HDAC4: variants seen among roughly 807,000 people sequenced by gnomAD.
The protein encoded by HDAC4 is histone deacetylase 4.
Under a neutral mutation model 135.1 loss-of-function variants are expected in HDAC4, and 16 were observed. The ratio of observed to expected loss-of-function variants is 0.12; its 90% confidence interval spans 0.08 to 0.18. HDAC4 has a LOEUF of 0.18. Among genes scored for constraint, HDAC4 ranks in the 10% least tolerant of loss-of-function variants. The pLI is 1.00. For missense variants in HDAC4, 1,143 were observed against 1,511.8 expected, an observed-to-expected ratio of 0.76 and a Z score of 4.05; for synonymous variants, 685 against 653.4, an observed-to-expected ratio of 1.05 and a Z score of -0.74.
At chr2:239,082,907 G>T (rs936688109) in intron 20 of HDAC4, among the ~76,000 whole-genome samples, 5 of 152,254 alleles carry the variant, frequency 3.3e-5, no homozygotes, top group Non-Finnish European at 7.3e-5. Flanking sequence ...CGGGCGAGGG[G>T]GTGGCCCCGC....
intron 2 of HDAC4, among the ~76,000 whole-genome samples, chr2:239,334,849 C>A (rs1435013013): frequency 2.0e-5 from 3 of 151,804 alleles, no homozygotes; most frequent in South Asian, 2.1e-4. Context: ...GGTGAAACAC[C>A]CCCCTCTACT....
At position 239,076,234 on chromosome 2, in the gene HDAC4, CA is replaced by C. The variant is rs1393278770; in HGVS notation, c.2750+4860del. ...GTGTTGGCCACGCCCCTCGGCTTCC[CA>C]GGGGGAACAGAGCTGGACCGGGACA... On this transcript the variant is annotated intron_variant, in intron 22 of 26. Transcript: ENST00000543185. Among the ~76,000 whole-genome samples the C allele has an allele frequency of 8.6e-5, 13 of 152,018 alleles. 1 individual carries two copies. The highest frequency in any genetic ancestry group is 2.4e-4 in the African/African-American group (10 of 41,378).
intron 3 of HDAC4, 87 bp from the exon 4 acceptor site, chr2:239,190,164 CTTCA>C: frequency 2.8e-6 from 4 of 1,437,984 alleles, no homozygotes; most frequent in African/African-American, 1.7e-5. Flanking sequence ...CACTGGCCAC[CTTCA>C]CGGGGCGGGG....
At position 239,352,186 on chromosome 2, in the gene HDAC4, A is replaced by G. The variant is rs1195594899; in HGVS notation, c.22+492T>C. Among the ~76,000 whole-genome samples the G allele has an allele frequency of 6.6e-6, 1 of 152,184 alleles. No homozygotes were observed. The highest frequency in any genetic ancestry group is 1.5e-5 in the Non-Finnish European group (1 of 68,022). ...ATCTGGGGCTGTACTAAATGCTTGT[A>G]AAATGCTTAGTGCAGCCCCTCACAG... On this transcript the variant is annotated intron_variant, in intron 2 of 26. Coordinates refer to ENST00000543185, the MANE Select transcript of HDAC4 (RefSeq NM_001378414.1). This position sits in a 1 kb window ranked among gnomAD's most constrained non-coding sequence, Gnocchi z 4.4.
chr2:239,370,069 G>A (rs377097160), intron 1 of HDAC4, among the ~76,000 whole-genome samples: 8 of 152,248 alleles, frequency 5.3e-5, no homozygotes, highest in African/African-American at 1.7e-4. Flanking sequence ...AGATGCACGG[G>A]GCCCTGTACA....
At chr2:239,270,715 T>C (rs2050012596) in intron 2 of HDAC4, among the ~76,000 whole-genome samples, 1 of 152,216 alleles carries the variant, frequency 6.6e-6, no homozygotes, top group Admixed American at 6.5e-5. Flanking sequence ...CTGAAATCAT[T>C]AAACCATCTA....
In HDAC4 at chr2:239,356,732, T is replaced by C. The variant is rs533820525; in HGVS notation, c.-219-3814A>G. 7.9e-5 allele frequency among the ~76,000 whole-genome samples: 12 copies of C among 152,338 alleles called. No individual in the cohort carries two copies. The East Asian group carries it at 1.5e-3, about 20-fold the overall frequency. On this transcript the variant is annotated intron_variant, in intron 1 of 26. Transcript: ENST00000543185. ...ACACAGTCCTAAACATTTATGCACC[T>C]GTTGGCAGGGCTTCATACTTGATGC...
chr2:239,331,188 TGATGGCAC>T lies in HDAC4; in HGVS notation c.22+21482_22+21489del, dbSNP rs1691548817. Reference sequence around the variant, plus strand: ...AGCGCGGCCAGCACTGTCGTGACATTGATGGCACGAAACTCAACGTCCTGCACATGATT... The same window carrying T: ...AGCGCGGCCAGCACTGTCGTGACATTGAAACTCAACGTCCTGCACATGATT... On this transcript the variant is annotated intron_variant, in intron 2 of 26. Transcript: ENST00000543185. This position sits in a 1 kb window ranked among gnomAD's most constrained non-coding sequence, Gnocchi z 4.5. Among the ~76,000 whole-genome samples the T allele has an allele frequency of 6.6e-6, 1 of 152,180 alleles. No individual in the cohort carries two copies. Among genetic ancestry groups the T allele is most frequent in the South Asian group, 2.1e-4 (1 of 4,838 alleles).
At position 239,308,560 on chromosome 2, in the gene HDAC4, T is replaced by C. The variant is rs184607391; in HGVS notation, c.22+44118A>G. Among the ~76,000 whole-genome samples the C allele has an allele frequency of 2.4e-4, 37 of 152,348 alleles. No individual in the cohort carries two copies. The highest frequency in any genetic ancestry group is 8.2e-4 in the African/African-American group (34 of 41,586). The stretch of plus-strand genomic sequence containing the variant: ...ATAACCTCCATCCACAGCCAGATAC[T>C]GCTTCCGGAACCACACTTCGTATCC... On this transcript the variant is annotated intron_variant, in intron 2 of 26. Transcript: ENST00000543185. This position sits in a 1 kb window ranked among gnomAD's most constrained non-coding sequence, Gnocchi z 4.2.
At chr2:239,359,542 A>C (rs764072848) in intron 1 of HDAC4, among the ~76,000 whole-genome samples, 3 of 152,246 alleles carry the variant, frequency 2.0e-5, no homozygotes, top group Non-Finnish European at 4.4e-5. Flanking sequence ...CCGAGATGAC[A>C]GAAGCAGCTT....
At chr2:239,254,327 T>C (rs1042327986) in intron 2 of HDAC4, among the ~76,000 whole-genome samples, 10 of 151,420 alleles carry the variant, frequency 6.6e-5, no homozygotes, top group African/African-American at 2.4e-4. Context: ...CAACCCACCA[T>C]GTGGGAATCG....
Position 239,252,053 on chromosome 2 carries a change from C to T in HDAC4, c.23-15389G>A, listed in dbSNP as rs556517525. Among the ~76,000 whole-genome samples the T allele has an allele frequency of 5.3e-5, 8 of 152,302 alleles. No homozygotes were observed. In the East Asian group the frequency reaches 9.6e-4, roughly 18 times the overall value. ...AAAATAGAGCCACCACCAGGAGAAG[C>T]GACTTGCTGTTGGATGTTCACTACG... is the stretch of plus-strand genomic sequence containing the variant. On this transcript the variant is annotated intron_variant, in intron 2 of 26. Coordinates refer to ENST00000543185, the MANE Select transcript of HDAC4 (RefSeq NM_001378414.1).
chr2:239,366,006 GAC>G (rs375044966), intron 1 of HDAC4, among the ~76,000 whole-genome samples: 8 of 149,966 alleles, frequency 5.3e-5, no homozygotes, highest in African/African-American at 7.4e-5. Context: ...GGCACTGGTG[GAC>G]ACACACAAAC....
At chr2:239,280,789 AACACACCACTCTACACACAATGT>A (rs1400243391) in intron 2 of HDAC4, among the ~76,000 whole-genome samples, 20 of 150,860 alleles carry the variant, frequency 1.3e-4, no homozygotes, top group African/African-American at 4.9e-4. Flanking sequence ...CTCTACAATG[AACACACCACTCTACACACAATGT>A]ACACACCACT....
rs1478655129 is a variant in HDAC4 at position 239,115,349 on chromosome 2, G to C, written c.1534-39C>G. On this transcript the variant is annotated intron_variant, in intron 12 of 26. Coordinates refer to ENST00000543185, the MANE Select transcript of HDAC4 (RefSeq NM_001378414.1). This position sits in a 1 kb window ranked among gnomAD's most constrained non-coding sequence, Gnocchi z 6.3. ...GTAACACATGAAGCACAGAGAGCTG[G>C]GTCCTCTGAGCTCATCTGACAGGAG... is the stretch of plus-strand genomic sequence containing the variant. 2.5e-6 allele frequency: 4 copies of C among 1,611,438 alleles called. No homozygotes were observed. The highest frequency in any genetic ancestry group is 3.4e-6 in the Non-Finnish European group (4 of 1,179,190).
intron 3 of HDAC4, among the ~76,000 whole-genome samples, chr2:239,215,644 A>C (rs1404649078): frequency 6.6e-6 from 1 of 152,166 alleles, no homozygotes; most frequent in African/African-American, 2.4e-5. Flanking sequence ...CCCGCAGGAA[A>C]TGCCACACCT....
Position 239,101,235 on chromosome 2 carries a change from G to A in HDAC4, c.2233+1541C>T, listed in dbSNP as rs115517133. On this transcript the variant is annotated intron_variant, in intron 16 of 26. Coordinates refer to ENST00000543185, the MANE Select transcript of HDAC4 (RefSeq NM_001378414.1). ...CATACCACAGGGCAGGGGGGACTCCGGAAGCAGCGTGACCGCCACCCCAGG... is the reference window on the plus strand; with the variant it reads ...CATACCACAGGGCAGGGGGGACTCCAGAAGCAGCGTGACCGCCACCCCAGG... 4.1e-3 allele frequency among the ~76,000 whole-genome samples: 622 copies of A among 152,316 alleles called. 2 individuals carry two copies. The highest frequency in any genetic ancestry group is 7.6e-3 in the Non-Finnish European group (520 of 68,018).
intron 24 of HDAC4, among the ~76,000 whole-genome samples, chr2:239,056,845 C>T (rs554620846): frequency 2.0e-5 from 3 of 152,214 alleles, no homozygotes; most frequent in Non-Finnish European, 4.4e-5. Context: ...ATCTGACAAG[C>T]GAATGGCATT....
At chr2:239,150,157 G>A (rs1208773214) in intron 7 of HDAC4, among the ~76,000 whole-genome samples, 1 of 152,070 alleles carries the variant, frequency 6.6e-6, no homozygotes, top group Non-Finnish European at 1.5e-5. Flanking sequence ...AACGCAAAAT[G>A]GGTATTTTTG....
Sources: gnomAD v4.1 joint callset for allele counts (sites outside exome capture counted in the v4.1 genomes callset) on GRCh38, gnomAD v4.1.1 for gene constraint, Gnocchi (gnomAD v3.1) non-coding constraint, MANE v1.5 for transcripts, NCBI Gene and HGNC (gene_info 2026-07-23, HGNC 2026-07-21) for gene names.